Variants in UGT1A10 observed in about 807,000 individuals in gnomAD.
UGT1A10 encodes the protein UDP glucuronosyltransferase family 1 member A10.
Under a neutral mutation model 45.8 loss-of-function variants are expected in UGT1A10, and 49 were observed. That is an observed-to-expected ratio of 1.07 (90% confidence interval 0.85 to 1.36). The LOEUF (loss-of-function observed/expected upper bound fraction) is 1.36. UGT1A10 is among the 40% of genes most tolerant of loss of function. The pLI is 0.00. For missense variants in UGT1A10, 745 were observed against 668.6 expected (o/e 1.11, Z -1.26); for synonymous variants, 284 against 249.7 (o/e 1.14, Z -1.29).
chr2:233,664,775 G>C (rs1387218105), intron 1 of UGT1A10, among the ~76,000 whole-genome samples: 1 of 152,182 alleles, frequency 6.6e-6, no homozygotes, highest in Admixed American at 6.5e-5. Flanking sequence ...TGAGATTTGG[G>C]TGGGGACAAA....
At chr2:233,684,747 A>G (rs1371238360) in intron 1 of UGT1A10, among the ~76,000 whole-genome samples, 1 of 152,136 alleles carries the variant, frequency 6.6e-6, no homozygotes, top group Non-Finnish European at 1.5e-5. Context: ...TATAATTATC[A>G]AAGAAGAATT....
In UGT1A10 at chr2:233,676,665, C is replaced by T. The variant is rs1175134718; in HGVS notation, c.855+39288C>T. Among the ~76,000 whole-genome samples the T allele has an allele frequency of 3.9e-5, 6 of 152,280 alleles. No homozygotes were observed. In the South Asian group the frequency reaches 8.3e-4, roughly 21 times the overall value. ...TTGTTTTTAGTGACTTGGGCAGTTT[C>T]GAGCAGTCCTAGTCAGGTGTCCTGT... On this transcript the variant is annotated intron_variant, in intron 1 of 4. Transcript: ENST00000344644.
intron 1 of UGT1A10, among the ~76,000 whole-genome samples, chr2:233,725,885 A>G (rs2077481467): frequency 6.6e-6 from 1 of 152,174 alleles, no homozygotes; most frequent in Admixed American, 6.5e-5. Flanking sequence ...AATGATTTGT[A>G]GGCAGGTGGG....
chr2:233,673,331 T>A (rs1559335098), intron 1 of UGT1A10, among the ~76,000 whole-genome samples: 1 of 152,176 alleles, frequency 6.6e-6, no homozygotes, highest in African/African-American at 2.4e-5. Flanking sequence ...CTATTAATAA[T>A]TGCATAAAAT....
intron 1 of UGT1A10, among the ~76,000 whole-genome samples, chr2:233,727,196 C>T (rs77179634): frequency 0.034 from 5,111 of 152,210 alleles, 99 homozygotes; most frequent in African/African-American, 0.05. Flanking sequence ...CTGGGGTGAC[C>T]TCACTGACAC....
At chr2:233,760,300 T>G (rs1271688129) in intron 1 of UGT1A10, 1 of 1,613,254 alleles carries the variant, frequency 6.2e-7, no homozygotes, top group East Asian at 2.2e-5. Flanking sequence ...GGCTGTGGAG[T>G]CCCAGGGCGG....
chr2:233,636,988 A>T lies in UGT1A10; in HGVS notation c.466A>T (p.Ile156Phe), dbSNP rs181093387. Residue 156 changes from isoleucine (I) to phenylalanine (F), a missense_variant, in exon 1 of 5, where the codon ATT becomes TTT. By Grantham distance (21) the Ile-to-Phe change is conservative. Transcript: ENST00000344644. ...FLDPFDTCGL[I>F]VAKYFSLPSV... ...GGATCCTTTTGATACCTGTGGCTTA[A>T]TTGTTGCTAAATATTTCTCCCTCCC... The T allele has an allele frequency of 6.2e-7, 1 of 1,614,144 alleles. No homozygotes were observed. Among genetic ancestry groups the T allele is most frequent in the Middle Eastern group, 1.7e-4 (1 of 6,058 alleles).
At chr2:233,682,378 C>G (rs763404567) in intron 1 of UGT1A10, 3 of 1,613,940 alleles carry the variant, frequency 1.9e-6, no homozygotes, top group Non-Finnish European at 1.7e-6. Flanking sequence ...CAGTGTTTCT[C>G]GATCCTTTTG....
chr2:233,701,126 A>G (rs1398709726), intron 1 of UGT1A10, among the ~76,000 whole-genome samples: 2 of 152,140 alleles, frequency 1.3e-5, no homozygotes, highest in African/African-American at 4.8e-5. Flanking sequence ...TCATTGAGGG[A>G]CATTTAGGTT....
chr2:233,692,939 C>T, intron 1 of UGT1A10: 2 of 1,593,498 alleles, frequency 1.3e-6, no homozygotes, highest in Non-Finnish European at 1.7e-6. Context: ...GGGAAAATAC[C>T]TAGGAGCCCT....
At position 233,760,794 on chromosome 2, in the gene UGT1A10, ATTC is replaced by A. The variant is rs587776762; in HGVS notation, c.856-6234_856-6232del. On this transcript the variant is annotated intron_variant, in intron 1 of 4. Transcript: ENST00000344644. The stretch of plus-strand genomic sequence containing the variant: ...CCCAGTACCTGTCTCTGCCCACTGT[ATTC>A]TTCTTGCATGCACTGCCATGCAGCC... 8.7e-6 allele frequency: 14 copies of A among 1,613,302 alleles called. No homozygotes were observed. Among genetic ancestry groups the A allele is most frequent in the Non-Finnish European group, 1.2e-5 (14 of 1,179,518 alleles).
rs144217005 is a variant in UGT1A10 at position 233,760,613 on chromosome 2, T to C, written c.856-6421T>C. The C allele has an allele frequency of 1.5e-4, 247 of 1,614,256 alleles. No individual in the cohort carries two copies. In the African/African-American group the frequency reaches 3.0e-3, roughly 20 times the overall value. On this transcript the variant is annotated intron_variant, in intron 1 of 4. Transcript: ENST00000344644. The stretch of plus-strand genomic sequence containing the variant: ...GAGAATGATTCTTTCCTGCAGCGTG[T>C]GATCAAAACATACAAGAAAATAAAA...
intron 1 of UGT1A10, among the ~76,000 whole-genome samples, chr2:233,671,449 A>G (rs372714536): frequency 7.2e-5 from 11 of 152,172 alleles, no homozygotes; most frequent in African/African-American, 2.6e-4. Context: ...CCAATTTAGG[A>G]GGTTAGGAGG....
At chr2:233,716,813 G>C (rs1182670482) in intron 1 of UGT1A10, among the ~76,000 whole-genome samples, 1 of 152,094 alleles carries the variant, frequency 6.6e-6, no homozygotes, top group Admixed American at 6.6e-5. Context: ...GACGTTGCTG[G>C]GGTGACCTCA....
At chr2:233,656,423 C>T (rs374027288) in intron 1 of UGT1A10, among the ~76,000 whole-genome samples, 29 of 152,270 alleles carry the variant, frequency 1.9e-4, no homozygotes, top group South Asian at 4.1e-4. Flanking sequence ...AAGGAATGGA[C>T]GTCAGTTAGT....
In UGT1A10 at chr2:233,772,139, G is replaced by T. The variant is rs1700470475; in HGVS notation, c.1296-123G>T. ...AAAAACAACAACAACAACAATAATA[G>T]AAACAGGTTTCCTTTCCCAAGTTTG... On this transcript the variant is annotated intron_variant, in intron 4 of 4. Coordinates refer to ENST00000344644, the MANE Select transcript of UGT1A10 (RefSeq NM_019075.4). The T allele has an allele frequency of 5.2e-6, 8 of 1,548,574 alleles. No homozygotes were observed. In the Admixed American group the frequency reaches 1.2e-4, roughly 23 times the overall value.
intron 1 of UGT1A10, chr2:233,760,589 A>T: frequency 6.2e-7 from 1 of 1,614,196 alleles, no homozygotes; most frequent in South Asian, 1.1e-5. Flanking sequence ...AATGTTTTTG[A>T]GAATGATTCT....
chr2:233,710,329 A>C (rs1202722431), intron 1 of UGT1A10, among the ~76,000 whole-genome samples: 1 of 152,250 alleles, frequency 6.6e-6, no homozygotes, highest in Non-Finnish European at 1.5e-5. Flanking sequence ...TGACTTCATA[A>C]GAAACAGTCG....
chr2:233,679,138 A>G (rs2074441210), intron 1 of UGT1A10, among the ~76,000 whole-genome samples: 1 of 152,148 alleles, frequency 6.6e-6, no homozygotes, highest in Non-Finnish European at 1.5e-5. Context: ...TGATTGAGAG[A>G]CTGAATTAGA....
Sources: allele counts gnomAD v4.1 joint callset (sites outside exome capture counted in the v4.1 genomes callset), GRCh38; gene constraint gnomAD v4.1.1; transcripts MANE v1.5; gene names NCBI Gene and HGNC (gene_info 2026-07-23, HGNC 2026-07-21).